Variants in FRMD4A observed in about 807,000 individuals in gnomAD.
FRMD4A encodes the protein FERM domain-containing protein 4A.
Under a neutral mutation model 129.1 loss-of-function variants are expected in FRMD4A, and 29 were observed. That is an observed-to-expected ratio of 0.22 (90% CI 0.17 to 0.31). FRMD4A has a LOEUF of 0.31. Ranked by LOEUF, FRMD4A falls within the 10% of genes least tolerant of loss-of-function variation. FRMD4A has a pLI of 1.00. For missense variants in FRMD4A, 1,272 were observed against 1,375.8 expected (o/e 0.92, Z 1.19); for synonymous variants, 634 against 571.6 (o/e 1.11, Z -1.56).
intron 2 of FRMD4A, among the ~76,000 whole-genome samples, chr10:13,905,515 T>C (rs895985678): frequency 6.6e-6 from 1 of 152,216 alleles, no homozygotes. Flanking sequence ...TTGTGCTCTT[T>C]ACAAAGGAAA....
chr10:13,692,276 G>C (rs957848927), intron 15 of FRMD4A: 1 of 150,240 alleles, frequency 6.7e-6, no homozygotes, highest in African/African-American at 2.5e-5. Context: ...AGCCTCCCAA[G>C]TAGTGGGCTT....
chr10:14,050,008 A>G (rs1834184579), intron 2 of FRMD4A, among the ~76,000 whole-genome samples: 1 of 152,152 alleles, frequency 6.6e-6, no homozygotes, highest in South Asian at 2.1e-4. Context: ...ACACGGAGGC[A>G]AGAGCTGCCT....
At chr10:13,957,284 G>A (rs1216025208) in intron 2 of FRMD4A, among the ~76,000 whole-genome samples, 1 of 152,056 alleles carries the variant, frequency 6.6e-6, no homozygotes, top group Non-Finnish European at 1.5e-5. Flanking sequence ...ACAGAGTTTC[G>A]CTCTTGCTGC....
At chr10:13,694,108 C>T in intron 14 of FRMD4A, 69 bp from the exon 15 acceptor site, 2 of 1,319,212 alleles carry the variant, frequency 1.5e-6, no homozygotes, top group Non-Finnish European at 2.0e-6. Context: ...CATCCCTCGC[C>T]CGCGCCTGCT....
chr10:14,055,326 C>G (rs1164368146), intron 2 of FRMD4A, among the ~76,000 whole-genome samples: 1 of 152,130 alleles, frequency 6.6e-6, no homozygotes, highest in African/African-American at 2.4e-5. Context: ...TCTTCATCCT[C>G]ACGTCTTTAT....
chr10:13,863,348 G>A (rs974545240), intron 2 of FRMD4A, among the ~76,000 whole-genome samples: 2 of 152,028 alleles, frequency 1.3e-5, no homozygotes, highest in African/African-American at 4.8e-5. Context: ...TTGGGAGGCC[G>A]AGGCAGGTGG....
intron 2 of FRMD4A, among the ~76,000 whole-genome samples, chr10:14,294,940 G>C (rs1343747273): frequency 6.6e-6 from 1 of 152,156 alleles, no homozygotes; most frequent in Non-Finnish European, 1.5e-5. Flanking sequence ...ATCTATCCTG[G>C]TATCAGGGGG....
chr10:13,796,387 A>G, intron 5 of FRMD4A, 109 bp downstream of exon 5: 2 of 703,840 alleles, frequency 2.8e-6, no homozygotes, highest in Non-Finnish European at 5.2e-6. Context: ...ATCCCTGGCA[A>G]TGAACCAAGA....
intron 2 of FRMD4A, among the ~76,000 whole-genome samples, chr10:14,127,976 TTCCTTCTCTCTCTC>T (rs1838972033): frequency 1.3e-4 from 3 of 22,294 alleles, no homozygotes; most frequent in African/African-American, 5.2e-4. Flanking sequence ...CTTTCTTTCT[TTCCTTCTCTCTCTC>T]TCTCTCTCTC....
At chr10:13,934,697 C>A (rs937336069) in intron 2 of FRMD4A, among the ~76,000 whole-genome samples, 1 of 152,034 alleles carries the variant, frequency 6.6e-6, no homozygotes, top group Admixed American at 6.5e-5. Flanking sequence ...AATAGCCTTA[C>A]GTTAGAATGC....
At chr10:14,179,898 G>T (rs1217262530) in intron 2 of FRMD4A, among the ~76,000 whole-genome samples, 2 of 152,144 alleles carry the variant, frequency 1.3e-5, no homozygotes, top group Non-Finnish European at 2.9e-5. Flanking sequence ...GCTGGGTATG[G>T]TGGTGCACAT....
chr10:13,986,689 G>GAAA (rs56326657), intron 2 of FRMD4A, among the ~76,000 whole-genome samples: 7 of 139,998 alleles, frequency 5.0e-5, no homozygotes, highest in Admixed American at 1.4e-4. Flanking sequence ...TAAATATAAG[G>GAAA]AAAAAAAAAA....
chr10:13,666,006 A>G, intron 18 of FRMD4A, 91 bp downstream of exon 18: 2 of 745,202 alleles, frequency 2.7e-6, no homozygotes, highest in Non-Finnish European at 4.8e-6. Context: ...GCAGCTGCTC[A>G]GGTCGTGCAG....
intron 2 of FRMD4A, among the ~76,000 whole-genome samples, chr10:13,874,146 T>G (rs921800666): frequency 1.4e-5 from 2 of 145,186 alleles, no homozygotes; most frequent in South Asian, 4.3e-4. Flanking sequence ...CTTGGGAGGC[T>G]GAGGCAGGAG....
chr10:13,788,090 T>C (rs961441642), intron 5 of FRMD4A, among the ~76,000 whole-genome samples: 8 of 152,168 alleles, frequency 5.3e-5, no homozygotes, highest in African/African-American at 1.7e-4. Context: ...TGGCTGTGTA[T>C]TGACCATGGC....
At chr10:13,846,757 C>G (rs1480993480) in intron 3 of FRMD4A, among the ~76,000 whole-genome samples, 1 of 152,224 alleles carries the variant, frequency 6.6e-6, no homozygotes, top group African/African-American at 2.4e-5. Flanking sequence ...CATGGAGGAA[C>G]TCGAGAGTCA....
intron 2 of FRMD4A, among the ~76,000 whole-genome samples, chr10:13,967,033 A>C (rs916493520): frequency 6.6e-6 from 1 of 152,242 alleles, no homozygotes; most frequent in Non-Finnish European, 1.5e-5. Flanking sequence ...ATGAGGATGC[A>C]CAGGCGTAAG....
At chr10:14,089,630 CA>C (rs59553317) in intron 2 of FRMD4A, among the ~76,000 whole-genome samples, 4 of 130,808 alleles carry the variant, frequency 3.1e-5, no homozygotes, top group Admixed American at 2.4e-4. Flanking sequence ...AAAAAAAAAA[CA>C]AAAAAAAACA....
At position 13,938,232 on chromosome 10, in the gene FRMD4A, C is replaced by CTGTT. The variant is rs547717822; in HGVS notation, c.46-79324_46-79321dup. Among the ~76,000 whole-genome samples, 1,124 of 151,670 alleles carry CTGTT rather than the reference C, an allele frequency of 7.4e-3. 8 individuals carry two copies. Among genetic ancestry groups the CTGTT allele is most frequent in the African/African-American group, 0.012 (504 of 41,354 alleles). Reference sequence around the variant, plus strand: ...ATTCTTGTTGTGTTTTTTGTTGTTGCTGTTTGTTTGTTTGTTTGTTTGTTT... The same window carrying CTGTT: ...ATTCTTGTTGTGTTTTTTGTTGTTGCTGTTTGTTTGTTTGTTTGTTTGTTTGTTT... On this transcript the variant is annotated intron_variant, in intron 2 of 24. Coordinates refer to ENST00000357447, the MANE Select transcript of FRMD4A (RefSeq NM_018027.5).
Sources: allele counts gnomAD v4.1 joint callset (sites outside exome capture counted in the v4.1 genomes callset), GRCh38; gene constraint gnomAD v4.1.1; transcripts MANE v1.5; gene names NCBI Gene and HGNC (gene_info 2026-07-23, HGNC 2026-07-21).